Variants in TMEM108 observed in about 807,000 individuals in gnomAD.
The protein encoded by TMEM108 is cancer/testis antigen 124.
TMEM108 carries 12 observed loss-of-function variants against 35.1 expected under a neutral mutation model. That is an observed-to-expected ratio of 0.34 (90% confidence interval 0.22 to 0.55). The LOEUF is 0.55. TMEM108 is among the 20% of genes least tolerant of loss of function. The probability of loss-of-function intolerance (pLI) is 0.89; values close to 1 mark genes in which losing one functional copy is unlikely to be tolerated. For missense variants in TMEM108, 680 were observed against 753.3 expected, an observed-to-expected ratio of 0.90 and a Z score of 1.14; for synonymous variants, 287 against 308.6, an observed-to-expected ratio of 0.93 and a Z score of 0.73.
intron 3 of TMEM108, among the ~76,000 whole-genome samples, chr3:133,251,668 T>C (rs1418194224): frequency 1.3e-5 from 2 of 152,148 alleles, no homozygotes; most frequent in Non-Finnish European, 2.9e-5. Flanking sequence ...CTCCTCTGAC[T>C]AGAAGTGATA....
At chr3:133,182,331 C>T (rs1247888573) in intron 2 of TMEM108, among the ~76,000 whole-genome samples, 3 of 152,088 alleles carry the variant, frequency 2.0e-5, no homozygotes, top group African/African-American at 7.2e-5. Flanking sequence ...TTTGATTTCT[C>T]CCTGGAGAGC....
rs2072970984 is a variant in TMEM108 at position 133,380,311 on chromosome 3, A to G, written c.600A>G (p.Arg200=). ...GGAGTAAAGAAGGACAGCGAGGACG[A>G]AATCCAAGCTCCACACCTCTGGGGC... The part of the protein sequence containing the change: ...HSRSKEGQRG[R]NPSSTPLGQK... Residue 200 remains arginine, a synonymous_variant, in exon 4 of 6, where the codon CGA becomes CGG. Coordinates refer to ENST00000321871, the MANE Select transcript of TMEM108 (RefSeq NM_023943.4). The surrounding 1 kb of genome is among the most constrained non-coding windows in gnomAD (Gnocchi z 5.3). 1 of 1,614,148 alleles carries G rather than the reference A, an allele frequency of 6.2e-7. No individual in the cohort carries two copies. Among genetic ancestry groups the G allele is most frequent in the Non-Finnish European group, 8.5e-7 (1 of 1,180,014 alleles).
chr3:133,204,391 A>C (rs915894442), intron 2 of TMEM108, among the ~76,000 whole-genome samples: 6 of 151,740 alleles, frequency 4.0e-5, no homozygotes, highest in Non-Finnish European at 7.4e-5. Flanking sequence ...AATTGTGATG[A>C]TAGGGTGTCA....
intron 2 of TMEM108, among the ~76,000 whole-genome samples, chr3:133,133,355 A>T (rs1559842817): frequency 6.6e-6 from 1 of 152,222 alleles, no homozygotes. Flanking sequence ...GGCTCAGATG[A>T]TCATTAGCAT....
chr3:133,333,841 G>A (rs1204488179), intron 3 of TMEM108, among the ~76,000 whole-genome samples: 2 of 152,186 alleles, frequency 1.3e-5, no homozygotes, highest in Non-Finnish European at 2.9e-5. Context: ...CACTTTGAGG[G>A]ACAGTCAAGG....
intron 2 of TMEM108, among the ~76,000 whole-genome samples, chr3:133,170,026 TAAG>T (rs1438265737): frequency 6.6e-6 from 1 of 152,182 alleles, no homozygotes; most frequent in Non-Finnish European, 1.5e-5. Context: ...AACAGAGAGA[TAAG>T]GAGAGGGGGA....
At chr3:133,257,929 T>C (rs562714725) in intron 3 of TMEM108, among the ~76,000 whole-genome samples, 3 of 152,336 alleles carry the variant, frequency 2.0e-5, no homozygotes, top group African/African-American at 7.2e-5. Flanking sequence ...GGTTGCTTTA[T>C]GTATCTCCTT....
chr3:133,088,841 T>C (rs949540337), intron 2 of TMEM108, among the ~76,000 whole-genome samples: 2 of 152,216 alleles, frequency 1.3e-5, no homozygotes, highest in African/African-American at 4.8e-5. Context: ...AATTGTCTGA[T>C]CCATGGAGAC....
intron 2 of TMEM108, among the ~76,000 whole-genome samples, chr3:133,094,175 G>A (rs1224975122): frequency 6.6e-6 from 1 of 151,666 alleles, no homozygotes; most frequent in Non-Finnish European, 1.5e-5. Flanking sequence ...CCCTTCTGAT[G>A]AACCTCAATG....
At chr3:133,263,783 C>G (rs1946657974) in intron 3 of TMEM108, among the ~76,000 whole-genome samples, 3 of 152,222 alleles carry the variant, frequency 2.0e-5, no homozygotes, top group Admixed American at 6.5e-5. Flanking sequence ...GACCACACAG[C>G]TGCGGTGAGA....
intron 3 of TMEM108, among the ~76,000 whole-genome samples, chr3:133,251,333 A>G (rs1022273366): frequency 6.6e-6 from 1 of 152,216 alleles, no homozygotes; most frequent in Non-Finnish European, 1.5e-5. Flanking sequence ...ATGGACATTT[A>G]TTAAGCACTT....
intron 3 of TMEM108, among the ~76,000 whole-genome samples, chr3:133,376,177 G>A (rs2072832648): frequency 1.3e-5 from 2 of 152,122 alleles, no homozygotes; most frequent in East Asian, 3.9e-4. Context: ...CAGCTAGGAG[G>A]ATGTTAGTTC....
chr3:133,146,327 G>A (rs1944719522), intron 2 of TMEM108, among the ~76,000 whole-genome samples: 1 of 152,180 alleles, frequency 6.6e-6, no homozygotes, highest in African/African-American at 2.4e-5. Context: ...CTTGACTGTG[G>A]TGGATAAACT....
At chr3:133,206,379 G>C (rs1269054920) in intron 2 of TMEM108, among the ~76,000 whole-genome samples, 1 of 152,190 alleles carries the variant, frequency 6.6e-6, no homozygotes, top group South Asian at 2.1e-4. Flanking sequence ...GAGAAGAGGT[G>C]TTCTGGTTTT....
At chr3:133,252,299 T>C (rs572198228) in intron 3 of TMEM108, among the ~76,000 whole-genome samples, 1 of 152,284 alleles carries the variant, frequency 6.6e-6, no homozygotes, top group South Asian at 2.1e-4. Flanking sequence ...CTAAGGTTAT[T>C]CAGGTTGTTT....
At chr3:133,123,373 A>C (rs1944377199) in intron 2 of TMEM108, among the ~76,000 whole-genome samples, 2 of 152,202 alleles carry the variant, frequency 1.3e-5, no homozygotes, top group Non-Finnish European at 2.9e-5. Context: ...TTACTGGTAA[A>C]AGAGGGTGTC....
At chr3:133,320,179 A>G (rs1386897966) in intron 3 of TMEM108, among the ~76,000 whole-genome samples, 3 of 152,324 alleles carry the variant, frequency 2.0e-5, no homozygotes, top group East Asian at 1.9e-4. Context: ...CCAAGAAGAA[A>G]TATCTGAATT....
intron 2 of TMEM108, among the ~76,000 whole-genome samples, chr3:133,127,373 T>C (rs948948070): frequency 5.9e-5 from 9 of 152,260 alleles, no homozygotes; most frequent in Admixed American, 2.0e-4. Context: ...GACTGCTTTC[T>C]CTAGCCTTTT....
At chr3:133,288,084 G>C (rs1947009982) in intron 3 of TMEM108, among the ~76,000 whole-genome samples, 1 of 152,138 alleles carries the variant, frequency 6.6e-6, no homozygotes, top group South Asian at 2.1e-4. Context: ...TAATAAAAAA[G>C]AGCATTTGTT....
Sources: allele counts gnomAD v4.1 joint callset (sites outside exome capture counted in the v4.1 genomes callset), GRCh38; gene constraint gnomAD v4.1.1; non-coding constraint Gnocchi (gnomAD v3.1); transcripts MANE v1.5; gene names NCBI Gene and HGNC (gene_info 2026-07-23, HGNC 2026-07-21).